BCR: variants seen among roughly 807,000 people sequenced by gnomAD.
BCR encodes the protein breakpoint cluster region protein.
BCR carries 58 observed loss-of-function variants against 138.6 expected under a neutral mutation model. That is an observed-to-expected ratio of 0.42 (90% CI 0.34 to 0.52). The LOEUF is 0.52. Ranked by LOEUF, BCR falls within the 20% of genes least tolerant of loss-of-function variation. The probability of loss-of-function intolerance (pLI) is 0.06; values close to 1 mark genes in which losing one functional copy is unlikely to be tolerated. For missense variants in BCR, 1,599 were observed against 1,727.2 expected (o/e 0.93, Z 1.32); for synonymous variants, 786 against 730.1 (o/e 1.08, Z -1.23).
intron 13 of BCR, chr22:23,289,863 G>A: frequency 1.8e-6 from 1 of 565,954 alleles, no homozygotes; most frequent in Non-Finnish European, 3.2e-6. Flanking sequence ...TCTGTTCCTA[G>A]TCACAAGGCT....
intron 4 of BCR, among the ~76,000 whole-genome samples, chr22:23,266,756 G>C (rs1320061744): frequency 6.6e-6 from 1 of 152,230 alleles, no homozygotes; most frequent in Non-Finnish European, 1.5e-5. Context: ...CTCACGTTCT[G>C]CGTAACAGCA....
In BCR at chr22:23,201,574, C is replaced by T. The variant is rs181528331; in HGVS notation, c.1279+19335C>T. Among the ~76,000 whole-genome samples the T allele has an allele frequency of 2.6e-3, 401 of 152,298 alleles. 2 individuals are homozygous for T. The highest frequency in any genetic ancestry group is 6.8e-3 in the Middle Eastern group (2 of 294). ...CTGGGTTCATGCCATTCTCCTGCCT[C>T]CGCCTCCTGAGTAGCTGGGACTACA... On this transcript the variant is annotated intron_variant, in intron 1 of 22. Transcript: ENST00000305877.
intron 1 of BCR, chr22:23,198,227 T>A (rs2071431): frequency 4.7e-6 from 2 of 422,806 alleles, no homozygotes; most frequent in Non-Finnish European, 9.3e-6. Flanking sequence ...AGGGAGGAGG[T>A]GGGTGGGGAT....
intron 1 of BCR, among the ~76,000 whole-genome samples, chr22:23,237,395 A>G (rs1364217276): frequency 6.6e-6 from 1 of 152,236 alleles, no homozygotes; most frequent in Admixed American, 6.5e-5. Context: ...ATTGGGAGTA[A>G]CAGGTGGGAT....
chr22:23,279,633 G>A (rs1017556786), intron 8 of BCR, among the ~76,000 whole-genome samples: 5 of 152,240 alleles, frequency 3.3e-5, no homozygotes, highest in Admixed American at 1.3e-4. Context: ...CACTTGGGCC[G>A]TCTTCCTTCT....
chr22:23,263,553 C>A, intron 4 of BCR: 1 of 1,573,074 alleles, frequency 6.4e-7, no homozygotes. Context: ...CCAGTTCCGT[C>A]CAGATGGTGC....
At chr22:23,248,671 C>T (rs1044314496) in intron 1 of BCR, among the ~76,000 whole-genome samples, 4 of 152,182 alleles carry the variant, frequency 2.6e-5, no homozygotes, top group Non-Finnish European at 2.9e-5. Flanking sequence ...CTCTTCCACA[C>T]CAACCCTGGG....
At position 23,181,619 on chromosome 22, in the gene BCR, G is replaced by T; in HGVS notation, c.659G>T (p.Gly220Val). 3 of 1,611,680 alleles carry T rather than the reference G, an allele frequency of 1.9e-6. No homozygotes were observed. Among genetic ancestry groups the T allele is most frequent in the Non-Finnish European group, 2.5e-6 (3 of 1,179,980 alleles). ...CGCAAAAAGTCCCAGCACGGCGCGG[G>T]CTCGAGCGTGGGGGATGCATCCAGG... ...MERKKSQHGA[G>V]SSVGDASRPP... Residue 220 changes from glycine to valine, a missense_variant, in exon 1 of 23, where the codon GGC becomes GTC. Physicochemically the swap from Gly to Val is moderately radical, Grantham distance 109. Around this residue, in one of 4 missense-constraint regions of BCR, gnomAD observed 806 missense variants for 635.0 expected, o/e 1.27. Coordinates refer to ENST00000305877, the MANE Select transcript of BCR (RefSeq NM_004327.4).
intron 16 of BCR, chr22:23,306,333 G>C (rs1568984569): frequency 6.6e-6 from 1 of 152,344 alleles, no homozygotes; most frequent in Non-Finnish European, 1.5e-5. Flanking sequence ...TGCTCAGCCA[G>C]CTAGCTCTGG....
Position 23,314,154 on chromosome 22 carries a change from A to G in BCR, c.3563+81A>G, listed in dbSNP as rs1602138030. The G allele has an allele frequency of 8.9e-6, 10 of 1,124,188 alleles. No homozygotes were observed. The South Asian group carries it at 1.1e-4, about 13-fold the overall frequency. 69.6% of individuals were successfully genotyped at this position (1,124,188 alleles called of 1,614,324 possible). ...CCCCTCTGCTCCCACTAGACCCCCA[A>G]CACCGAGGACCTTTTCTCCTGACCC... is the stretch of plus-strand genomic sequence containing the variant. On this transcript the variant is annotated intron_variant, in intron 21 of 22. Transcript: ENST00000305877.
At chr22:23,193,273 C>G (rs2072438097) in intron 1 of BCR, among the ~76,000 whole-genome samples, 1 of 152,234 alleles carries the variant, frequency 6.6e-6, no homozygotes, top group South Asian at 2.1e-4. Context: ...GGGAAAAGAT[C>G]TGGACTTGCC....
intron 1 of BCR, among the ~76,000 whole-genome samples, chr22:23,227,280 TC>T (rs1225193668): frequency 1.3e-5 from 2 of 152,192 alleles, no homozygotes; most frequent in Non-Finnish European, 2.9e-5. Flanking sequence ...GTTATTGTGT[TC>T]CGTCTAGAAA....
At chr22:23,184,779 ACGTGGGTCCAT>A (rs1365564099) in intron 1 of BCR, among the ~76,000 whole-genome samples, 1 of 152,114 alleles carries the variant, frequency 6.6e-6, no homozygotes, top group African/African-American at 2.4e-5. Context: ...GTTTCCCCTG[ACGTGGGTCCAT>A]GTATGGCAGG....
intron 1 of BCR, among the ~76,000 whole-genome samples, chr22:23,247,398 C>A (rs567604912): frequency 6.6e-6 from 1 of 152,328 alleles, no homozygotes; most frequent in South Asian, 2.1e-4. Context: ...GGAGTTCCTG[C>A]CTCCTCCACC....
At position 23,231,387 on chromosome 22, in the gene BCR, T is replaced by C. The variant is rs1011694004; in HGVS notation, c.1280-22412T>C. Among the ~76,000 whole-genome samples, 7 of 152,050 alleles carry C rather than the reference T, an allele frequency of 4.6e-5. 1 individual carries two copies. The highest frequency in any genetic ancestry group is 1.7e-4 in the African/African-American group (7 of 41,452). ...TGGATGTGGTAGTGCACGCCTGTAG[T>C]CCCAGCTATTCAGGAGGCTGAGTCA... On this transcript the variant is annotated intron_variant, in intron 1 of 22. Coordinates refer to ENST00000305877, the MANE Select transcript of BCR (RefSeq NM_004327.4).
At chr22:23,295,228 A>G in intron 16 of BCR, 73 bp downstream of exon 16, 1 of 1,027,468 alleles carries the variant, frequency 9.7e-7, no homozygotes. Context: ...GGGGACACTG[A>G]GATGGTCATG....
chr22:23,275,823 C>T (rs2073568974), intron 8 of BCR, among the ~76,000 whole-genome samples: 1 of 152,220 alleles, frequency 6.6e-6, no homozygotes, highest in African/African-American at 2.4e-5. Flanking sequence ...GCGCTCTGAC[C>T]TCCTGGGAAG....
intron 10 of BCR, 44 bp downstream of exon 10, chr22:23,285,245 T>G (rs1437356587): frequency 1.9e-6 from 3 of 1,571,808 alleles, no homozygotes; most frequent in Non-Finnish European, 2.6e-6. Context: ...GTGGTCAGAG[T>G]GGCAGCAGCC....
At chr22:23,214,945 C>T (rs1252050500) in intron 1 of BCR, among the ~76,000 whole-genome samples, 1 of 152,162 alleles carries the variant, frequency 6.6e-6, no homozygotes, top group African/African-American at 2.4e-5. Context: ...TCATCTTCCC[C>T]AGACTGAAGG....
Sources: gnomAD v4.1 joint callset for allele counts (sites outside exome capture counted in the v4.1 genomes callset) on GRCh38, gnomAD v4.1.1 for gene constraint, gnomAD v4.1.1 regional missense constraint, MANE v1.5 for transcripts, NCBI Gene and HGNC (gene_info 2026-07-23, HGNC 2026-07-21) for gene names.